Variants in C1QTNF3 observed in about 807,000 individuals in gnomAD.
The protein encoded by C1QTNF3 is complement C1q tumor necrosis factor-related protein 3.
Under a neutral mutation model 32.6 loss-of-function variants are expected in C1QTNF3, and 26 were observed. That is an observed-to-expected ratio of 0.80 (90% CI 0.58 to 1.11). The LOEUF (loss-of-function observed/expected upper bound fraction) is 1.11. C1QTNF3 is among the 50% of genes least tolerant of loss of function. C1QTNF3 has a pLI of 0.00. For missense variants in C1QTNF3, 362 were observed against 398.2 expected, an observed-to-expected ratio of 0.91 and a Z score of 0.77; for synonymous variants, 155 against 146.0, an observed-to-expected ratio of 1.06 and a Z score of -0.44.
the C1QTNF3 span, among the ~76,000 whole-genome samples, chr5:34,062,354 C>T: frequency 6.6e-6 from 1 of 152,112 alleles, no homozygotes; most frequent in African/African-American, 2.4e-5. Context: ...AGTCTTTGTC[C>T]TTCTTTTCCT....
chr5:34,063,369 CCTCT>C, the C1QTNF3 span, among the ~76,000 whole-genome samples: 4 of 151,842 alleles, frequency 2.6e-5, no homozygotes, highest in East Asian at 1.9e-4. Context: ...CTGTCTCTCT[CCTCT>C]CTGTCTCTTT....
chr5:34,219,409 A>G, the C1QTNF3 span, among the ~76,000 whole-genome samples: 2 of 151,908 alleles, frequency 1.3e-5, no homozygotes, highest in Admixed American at 1.3e-4. Flanking sequence ...TAGGGAGTAG[A>G]AAGTGGAGAA....
the C1QTNF3 span, among the ~76,000 whole-genome samples, chr5:34,240,109 C>T: frequency 6.6e-6 from 1 of 150,822 alleles, no homozygotes; most frequent in African/African-American, 2.4e-5. Context: ...ACACAAATTA[C>T]CAAAATCTCT....
At chr5:34,110,334 G>A in the C1QTNF3 span, among the ~76,000 whole-genome samples, 6 of 151,188 alleles carry the variant, frequency 4.0e-5, no homozygotes, top group Admixed American at 4.0e-4. Context: ...AAACCCTGGA[G>A]GAAGGCTAGT....
the C1QTNF3 span, among the ~76,000 whole-genome samples, chr5:34,089,044 T>C: frequency 6.6e-6 from 1 of 152,038 alleles, no homozygotes; most frequent in African/African-American, 2.4e-5. Flanking sequence ...AGGAGTTTAT[T>C]AGGAAATGCT....
At chr5:34,060,315 T>C in the C1QTNF3 span, among the ~76,000 whole-genome samples, 29 of 152,334 alleles carry the variant, frequency 1.9e-4, 1 homozygote, top group Middle Eastern at 6.8e-3. Context: ...TGGTATCGCC[T>C]ACTACACACC....
chr5:34,075,747 T>TA, the C1QTNF3 span, among the ~76,000 whole-genome samples: 1 of 151,440 alleles, frequency 6.6e-6, no homozygotes, highest in African/African-American at 2.4e-5. Context: ...GGATATATTT[T>TA]AAAAAAATGA....
the C1QTNF3 span, among the ~76,000 whole-genome samples, chr5:34,105,209 CTA>C: frequency 6.7e-6 from 1 of 149,860 alleles, no homozygotes; most frequent in African/African-American, 2.4e-5. Flanking sequence ...TTTGATTTCA[CTA>C]TGTGTTGTTT....
the C1QTNF3 span, among the ~76,000 whole-genome samples, chr5:34,085,842 G>A: frequency 6.6e-6 from 1 of 151,708 alleles, no homozygotes; most frequent in East Asian, 1.9e-4. Flanking sequence ...CTGTTGGTGG[G>A]AGTGTAAATT....
chr5:34,044,022 G>C (rs2112128117), upstream of C1QTNF3, among the ~76,000 whole-genome samples: 1 of 152,200 alleles, frequency 6.6e-6, no homozygotes, highest in South Asian at 2.1e-4. Context: ...TAGATCCCTT[G>C]AGCCCAGAAA....
At chr5:34,034,607 T>C (rs1310813448) in intron 2 of C1QTNF3, among the ~76,000 whole-genome samples, 2 of 152,224 alleles carry the variant, frequency 1.3e-5, no homozygotes, top group Admixed American at 6.5e-5. Context: ...CCCTACCAAA[T>C]GGATGAACTT....
Position 34,020,362 on chromosome 5 carries a change from G to A in C1QTNF3, c.*221C>T, listed in dbSNP as rs1754294215. ...AAGGAAAGAGTGATAAAGATGCTGA[G>A]TATATTAGTCAAGGTCATCTGAGAA... On this transcript the variant is annotated 3_prime_UTR_variant, in exon 6 of 6. Transcript: ENST00000382065. The A allele has an allele frequency of 2.0e-6, 1 of 502,066 alleles. No homozygotes were observed. The highest frequency in any genetic ancestry group is 3.5e-6 in the Non-Finnish European group (1 of 283,892). 31.1% of individuals were successfully genotyped at this position (502,066 alleles called of 1,614,324 possible).
chr5:34,117,679 C>T, the C1QTNF3 span, among the ~76,000 whole-genome samples: 10 of 151,790 alleles, frequency 6.6e-5, no homozygotes, highest in African/African-American at 1.9e-4. Context: ...GCCTGTAATC[C>T]GAGCTACTCA....
chr5:34,022,602 G>A (rs1027029342), intron 5 of C1QTNF3, among the ~76,000 whole-genome samples: 3 of 152,176 alleles, frequency 2.0e-5, no homozygotes, highest in Admixed American at 6.5e-5. Context: ...CAGATATTTG[G>A]AAGCCAGTGG....
At chr5:34,068,672 A>G in the C1QTNF3 span, among the ~76,000 whole-genome samples, 1 of 152,100 alleles carries the variant, frequency 6.6e-6, no homozygotes, top group African/African-American at 2.4e-5. Flanking sequence ...TAATAGTATG[A>G]CCATGTTGTA....
chr5:34,116,794 C>T, the C1QTNF3 span, among the ~76,000 whole-genome samples: 9 of 152,056 alleles, frequency 5.9e-5, no homozygotes, highest in Non-Finnish European at 1.0e-4. Flanking sequence ...TGAGGTTTCA[C>T]CATGTTGGCC....
the C1QTNF3 span, among the ~76,000 whole-genome samples, chr5:34,079,152 A>G: frequency 6.6e-6 from 1 of 151,624 alleles, no homozygotes; most frequent in East Asian, 1.9e-4. Context: ...TAAGCCACCA[A>G]GCTTGACTTT....
upstream of C1QTNF3, among the ~76,000 whole-genome samples, chr5:34,044,789 T>A (rs1296132834): frequency 1.3e-5 from 2 of 152,162 alleles, no homozygotes; most frequent in Non-Finnish European, 2.9e-5. Context: ...AATTCAGCCA[T>A]CTCTGTGCTA....
chr5:34,093,674 T>C, the C1QTNF3 span, among the ~76,000 whole-genome samples: 2 of 144,678 alleles, frequency 1.4e-5, no homozygotes, highest in Admixed American at 1.4e-4. Flanking sequence ...TTTCCTCTGA[T>C]TGATCCCCAT....
Sources: gnomAD v4.1 joint callset for allele counts (sites outside exome capture counted in the v4.1 genomes callset) on GRCh38, gnomAD v4.1.1 for gene constraint, MANE v1.5 for transcripts, NCBI Gene and HGNC (gene_info 2026-07-23, HGNC 2026-07-21) for gene names.